Variants in SNX29 observed in about 807,000 individuals in gnomAD.
The protein encoded by SNX29 is sorting nexin 29.
Under a neutral mutation model 102.1 loss-of-function variants are expected in SNX29, and 78 were observed. The observed-to-expected ratio is 0.76, with a 90% CI of 0.64 to 0.92. SNX29 has a LOEUF of 0.92. Ranked by LOEUF, SNX29 falls within the 40% of genes least tolerant of loss-of-function variation. The pLI is 0.00. For synonymous variants in SNX29, 580 were observed against 414.5 expected (o/e 1.40, Z -4.85); for missense variants, 1,280 against 1,061.7 (o/e 1.21, Z -2.86).
intron 4 of SNX29, among the ~76,000 whole-genome samples, chr16:12,041,151 G>A (rs1471021838): frequency 4.0e-5 from 6 of 151,706 alleles, no homozygotes; most frequent in African/African-American, 7.3e-5. Context: ...TTGCTCTGTC[G>A]CCCAGGCTGG....
chr16:11,998,065 A>G (rs1171242382), intron 1 of SNX29, among the ~76,000 whole-genome samples: 1 of 152,136 alleles, frequency 6.6e-6, no homozygotes, highest in Non-Finnish European at 1.5e-5. Flanking sequence ...GTTGTTATCA[A>G]CCAGCTGGCC....
intron 9 of SNX29, among the ~76,000 whole-genome samples, chr16:12,064,265 T>A (rs1378962098): frequency 2.0e-5 from 3 of 152,170 alleles, no homozygotes; most frequent in Non-Finnish European, 4.4e-5. Flanking sequence ...CATCCGGGTC[T>A]CCTTTTTCGT....
In SNX29 at chr16:12,043,008, G is replaced by A. The variant is rs776441656; in HGVS notation, c.359G>A (p.Arg120His). The change falls in exon 5 of 21, where the codon CGC becomes CAC. Residue 120 changes from arginine to histidine, a missense_variant. Arg to His is a conservative substitution (Grantham distance 29). Coordinates refer to ENST00000566228, the MANE Select transcript of SNX29 (RefSeq NM_032167.5). ...GTGGGCCGGGGTCGCGCCTGGCTGC[G>A]CTGTGCCCTCAACGAACACTCCCTG... The part of the protein sequence containing the change: ...SDVGRGRAWL[R>H]CALNEHSLER... 13 of 1,613,602 alleles carry A rather than the reference G, an allele frequency of 8.1e-6. No homozygotes were observed. The highest frequency in any genetic ancestry group is 1.7e-5 in the Admixed American group (1 of 60,008).
At chr16:12,562,671 A>G (rs2078794834) in intron 20 of SNX29, among the ~76,000 whole-genome samples, 5 of 152,098 alleles carry the variant, frequency 3.3e-5, no homozygotes, top group African/African-American at 7.2e-5. Context: ...GAAAGTCTAG[A>G]TTTACAGGCA....
chr16:12,478,615 C>G (rs976111743), intron 19 of SNX29, among the ~76,000 whole-genome samples: 1 of 152,226 alleles, frequency 6.6e-6, no homozygotes, highest in African/African-American at 2.4e-5. Context: ...CTGGAGAAGA[C>G]AGACCTGGGT....
At chr16:12,495,417 G>C (rs2088773183) in intron 19 of SNX29, among the ~76,000 whole-genome samples, 1 of 152,052 alleles carries the variant, frequency 6.6e-6, no homozygotes, top group Admixed American at 6.6e-5. Flanking sequence ...CCAAGTGCTG[G>C]GATTACAGGT....
chr16:12,092,153 C>T lies in SNX29; in HGVS notation c.1402+13238C>T, dbSNP rs1567199651. Reference sequence around the variant, plus strand: ...GAGCCCCCTGTAACCTCACTCCCCTCTTTAGTTTCTTTCCTGTAGCCCCCA... The same window carrying T: ...GAGCCCCCTGTAACCTCACTCCCCTTTTTAGTTTCTTTCCTGTAGCCCCCA... On this transcript the variant is annotated intron_variant, in intron 11 of 20. Coordinates refer to ENST00000566228, the MANE Select transcript of SNX29 (RefSeq NM_032167.5). Among the ~76,000 whole-genome samples, 3 of 152,284 alleles carry T rather than the reference C, an allele frequency of 2.0e-5. 1 individual carries two copies. The South Asian group carries it at 6.2e-4, about 32-fold the overall frequency.
chr16:12,162,072 C>G (rs988000114), intron 13 of SNX29, among the ~76,000 whole-genome samples: 2 of 152,154 alleles, frequency 1.3e-5, no homozygotes, highest in Non-Finnish European at 2.9e-5. Context: ...ACCATCAACC[C>G]CTTTGATGGT....
At chr16:12,190,728 C>G (rs1380970300) in intron 13 of SNX29, among the ~76,000 whole-genome samples, 3 of 152,236 alleles carry the variant, frequency 2.0e-5, no homozygotes, top group Non-Finnish European at 4.4e-5. Context: ...AGGTGGATGT[C>G]TCAGCTGCTC....
intron 20 of SNX29, among the ~76,000 whole-genome samples, chr16:12,563,938 A>G (rs557677138): frequency 5.3e-5 from 8 of 152,300 alleles, no homozygotes; most frequent in African/African-American, 1.4e-4. Context: ...CTAGACGCTG[A>G]TCTTGTTCAA....
chr16:12,064,181 A>C (rs56160839), intron 9 of SNX29, among the ~76,000 whole-genome samples: 6,425 of 152,204 alleles, frequency 0.042, 451 homozygotes, highest in African/African-American at 0.15. Flanking sequence ...TTTGCCGCTT[A>C]GCTGGGCCCC....
chr16:12,512,732 A>T (rs2151924091), intron 19 of SNX29, among the ~76,000 whole-genome samples: 1 of 152,198 alleles, frequency 6.6e-6, no homozygotes, highest in East Asian at 1.9e-4. Flanking sequence ...AGGGACAACT[A>T]GGTGCTGTTC....
chr16:12,366,981 G>A (rs1038752036), intron 16 of SNX29: 1 of 151,998 alleles, frequency 6.6e-6, no homozygotes, highest in Non-Finnish European at 1.5e-5. Flanking sequence ...ATTGCTGTAT[G>A]TTACCATGAT....
At chr16:12,059,631 G>T (rs776538857) in intron 8 of SNX29, among the ~76,000 whole-genome samples, 19 of 152,190 alleles carry the variant, frequency 1.2e-4, no homozygotes, top group Non-Finnish European at 2.1e-4. Context: ...ATAGGAGCTG[G>T]CAATCCCTGC....
Position 12,286,804 on chromosome 16 carries a change from C to T in SNX29, c.1782+8768C>T, listed in dbSNP as rs541790783. On this transcript the variant is annotated intron_variant, in intron 15 of 20. Coordinates refer to ENST00000566228, the MANE Select transcript of SNX29 (RefSeq NM_032167.5). Reference sequence around the variant, plus strand: ...TCCCGTCCCACCCATCAAACCTCAGCCTCTCATGGTATTTTGAAGAAAATC... The same window carrying T: ...TCCCGTCCCACCCATCAAACCTCAGTCTCTCATGGTATTTTGAAGAAAATC... 4.8e-4 allele frequency among the ~76,000 whole-genome samples: 73 copies of T among 152,294 alleles called. 1 individual carries two copies. The highest frequency in any genetic ancestry group is 1.7e-3 in the African/African-American group (70 of 41,564).
At chr16:12,472,556 G>C (rs200898605) in intron 18 of SNX29, among the ~76,000 whole-genome samples, 2 of 125,440 alleles carry the variant, frequency 1.6e-5, no homozygotes, top group Admixed American at 7.9e-5. Context: ...AAAAAAAAAA[G>C]AAAAAAACAG....
intron 11 of SNX29, among the ~76,000 whole-genome samples, chr16:12,121,355 C>T (rs937874126): frequency 6.6e-6 from 1 of 152,240 alleles, no homozygotes; most frequent in Non-Finnish European, 1.5e-5. Context: ...AGGGGCTCCC[C>T]CAGAGCCTGG....
At chr16:12,215,438 G>C (rs897213345) in intron 14 of SNX29, among the ~76,000 whole-genome samples, 4 of 152,180 alleles carry the variant, frequency 2.6e-5, no homozygotes, top group African/African-American at 9.7e-5. Flanking sequence ...GTGCACAGCT[G>C]GGGAGTGGCA....
chr16:12,242,226 G>A (rs185577100), intron 14 of SNX29, among the ~76,000 whole-genome samples: 1 of 152,092 alleles, frequency 6.6e-6, no homozygotes, highest in East Asian at 1.9e-4. Context: ...GTGGACTACA[G>A]CCTTGAACCC....
Sources: allele counts gnomAD v4.1 joint callset (sites outside exome capture counted in the v4.1 genomes callset), GRCh38; gene constraint gnomAD v4.1.1; transcripts MANE v1.5; gene names NCBI Gene and HGNC (gene_info 2026-07-23, HGNC 2026-07-21).